FRMPD4: variants seen among roughly 807,000 people sequenced by gnomAD.
FRMPD4 encodes the protein FERM and PDZ domain-containing protein 4.
In FRMPD4, 22 loss-of-function variants were observed where a neutral mutation model predicts 94.1. The observed-to-expected ratio is 0.23, with a 90% CI of 0.17 to 0.33. FRMPD4 has a LOEUF of 0.33. FRMPD4 is among the 10% of genes least tolerant of loss of function. FRMPD4 has a pLI of 1.00. For missense variants in FRMPD4, 1,111 were observed against 1,339.9 expected, an observed-to-expected ratio of 0.83 and a Z score of 2.67; for synonymous variants, 631 against 548.6, an observed-to-expected ratio of 1.15 and a Z score of -2.10.
intron 1 of FRMPD4, among the ~76,000 whole-genome samples, chrX:12,386,920 C>T (rs1169885205): frequency 8.9e-6 from 1 of 111,764 alleles, no homozygotes; most frequent in African/African-American, 3.2e-5. Flanking sequence ...GTTTTTTGTT[C>T]TCATCCATAT....
chrX:12,194,761 A>G lies in FRMPD4; in HGVS notation c.41+55749A>G, dbSNP rs1225563114. Among the ~76,000 whole-genome samples, 4 of 111,941 alleles carry G rather than the reference A, an allele frequency of 3.6e-5. No individual in the cohort carries two copies. In the East Asian group the frequency reaches 1.1e-3, roughly 32 times the overall value. ...TGAAAAGCCTGGATAGATCTTTTTC[A>G]GGGGGGAATACTGTTTCTCTTCACA... On this transcript the variant is annotated intron_variant, in intron 1 of 16. Transcript: ENST00000675598.
At chrX:12,454,249 A>G (rs1292868616) in intron 1 of FRMPD4, among the ~76,000 whole-genome samples, 3 of 112,183 alleles carry the variant, frequency 2.7e-5, no homozygotes, top group Non-Finnish European at 5.6e-5. Flanking sequence ...TCAATGATGG[A>G]TCTGTAAGCT....
intron 1 of FRMPD4, among the ~76,000 whole-genome samples, chrX:12,219,318 A>G (rs2056839262): frequency 1.8e-5 from 2 of 111,601 alleles, no homozygotes; most frequent in Non-Finnish European, 3.8e-5. Flanking sequence ...ACAGTGAGCC[A>G]TGTTCACACC....
At position 12,157,079 on chromosome X, in the gene FRMPD4, G is replaced by A. The variant is rs1289061242; in HGVS notation, c.41+18067G>A. Among the ~76,000 whole-genome samples, 5 of 110,909 alleles carry A rather than the reference G, an allele frequency of 4.5e-5. No individual in the cohort carries two copies. In the East Asian group the frequency reaches 1.4e-3, roughly 31 times the overall value. ...AAACCCACAGTAAGAAATTTGTCTTGCATTGTTACCCAGTCCACATATATA... is the reference window on the plus strand; with the variant it reads ...AAACCCACAGTAAGAAATTTGTCTTACATTGTTACCCAGTCCACATATATA... On this transcript the variant is annotated intron_variant, in intron 1 of 16. Transcript: ENST00000675598.
intron 3 of FRMPD4, among the ~76,000 whole-genome samples, chrX:12,042,587 G>T (rs756832004): frequency 8.9e-6 from 1 of 111,774 alleles, no homozygotes; most frequent in Non-Finnish European, 1.9e-5. Context: ...CAGTGAATTT[G>T]TGTGTGGGTT....
At chrX:11,895,400 G>A (rs1275489810) in intron 3 of FRMPD4, among the ~76,000 whole-genome samples, 2 of 111,313 alleles carry the variant, frequency 1.8e-5, no homozygotes, top group Non-Finnish European at 3.8e-5. Flanking sequence ...CAAGATCAGG[G>A]CTTCAGAACA....
intron 3 of FRMPD4, among the ~76,000 whole-genome samples, chrX:12,007,840 G>A (rs1007965043): frequency 1.8e-5 from 2 of 112,221 alleles, no homozygotes; most frequent in Non-Finnish European, 3.8e-5. Flanking sequence ...AGGAATAACT[G>A]AAATCTTTGA....
chrX:12,072,906 T>C (rs1488325518), intron 3 of FRMPD4, among the ~76,000 whole-genome samples: 1 of 108,697 alleles, frequency 9.2e-6, no homozygotes, highest in African/African-American at 3.5e-5. Context: ...TTTAATTACC[T>C]ACCTTCTATT....
chrX:12,366,682 C>G (rs898615714), intron 1 of FRMPD4, among the ~76,000 whole-genome samples: 1 of 112,297 alleles, frequency 8.9e-6, no homozygotes, highest in Non-Finnish European at 1.9e-5. Context: ...CAAGAGTGAT[C>G]CAGTCCTTGC....
intron 1 of FRMPD4, among the ~76,000 whole-genome samples, chrX:12,498,309 G>A (rs1020781975): frequency 3.0e-4 from 34 of 111,626 alleles, no homozygotes; most frequent in African/African-American, 1.1e-3. Flanking sequence ...AATTTCTGCA[G>A]GTCCTGGGCT....
At position 12,723,698 on chromosome X, in the gene FRMPD4, A is replaced by G. The variant is rs1004363118; in HGVS notation, c.*1840A>G. ...AGACAGTGTGCTAAGCATATTAACT[A>G]TATTATCTCATTTAATCATCACAAC... On this transcript the variant is annotated 3_prime_UTR_variant, in exon 17 of 17. Coordinates refer to ENST00000675598, the MANE Select transcript of FRMPD4 (RefSeq NM_001368397.1). 1.5e-4 allele frequency: 17 copies of G among 111,283 alleles called. No homozygotes were observed. Among genetic ancestry groups the G allele is most frequent in the Non-Finnish European group, 3.8e-5 (2 of 53,072 alleles). 9.2% of individuals were successfully genotyped at this position (111,283 alleles called of 1,213,427 possible).
At chrX:12,575,027 A>C (rs940171330) in intron 2 of FRMPD4, among the ~76,000 whole-genome samples, 2 of 111,960 alleles carry the variant, frequency 1.8e-5, no homozygotes, top group Admixed American at 1.9e-4. Flanking sequence ...ACTCGTTAAA[A>C]GAAGCCCTAA....
intron 1 of FRMPD4, among the ~76,000 whole-genome samples, chrX:12,376,295 T>C (rs1199584358): frequency 8.9e-6 from 1 of 112,408 alleles, no homozygotes; most frequent in Admixed American, 9.4e-5. Flanking sequence ...ATAAAAACCT[T>C]GCTTCCCTTC....
chrX:12,441,280 C>A (rs779303301), intron 1 of FRMPD4, among the ~76,000 whole-genome samples: 2 of 112,214 alleles, frequency 1.8e-5, no homozygotes, highest in South Asian at 7.4e-4. Flanking sequence ...TAAACTGATG[C>A]CCAAATTGCA....
rs369710255 is a variant in FRMPD4, at chrX:12,000,148, A to G, written c.95+122130A>G. Among the ~76,000 whole-genome samples the G allele has an allele frequency of 2.3e-4, 26 of 111,961 alleles. No homozygotes were observed. The South Asian group carries it at 3.7e-3, about 16-fold the overall frequency. ...TTAAAAACCCACTTTATTGTATTTT[A>G]CCCACTTGAACTCTTTTACCATCTC... On this transcript the variant is annotated intron_variant, in intron 3 of 18. Coordinates refer to the FRMPD4 transcript ENST00000640291.
chrX:11,977,713 G>A (rs901781576), intron 3 of FRMPD4, among the ~76,000 whole-genome samples: 1 of 110,207 alleles, frequency 9.1e-6, no homozygotes, highest in African/African-American at 3.3e-5. Context: ...TGGAAGCTGG[G>A]GTTGGGGGTT....
chrX:12,350,464 G>A (rs1329313697), intron 1 of FRMPD4, among the ~76,000 whole-genome samples: 1 of 111,744 alleles, frequency 8.9e-6, no homozygotes, highest in Non-Finnish European at 1.9e-5. Context: ...TTGTTCATAG[G>A]GGTCTAACAT....
At chrX:12,493,760 C>T (rs1046051341) in intron 1 of FRMPD4, among the ~76,000 whole-genome samples, 1 of 111,723 alleles carries the variant, frequency 9.0e-6, no homozygotes, top group Non-Finnish European at 1.9e-5. Context: ...CTGAGGCAGG[C>T]CTGTGAGTAT....
chrX:11,895,540 A>G (rs1230116451), intron 3 of FRMPD4, among the ~76,000 whole-genome samples: 1 of 111,890 alleles, frequency 8.9e-6, no homozygotes, highest in African/African-American at 3.2e-5. Context: ...TATAACATGC[A>G]TTACCTTATT....
Sources: allele counts gnomAD v4.1 joint callset (sites outside exome capture counted in the v4.1 genomes callset), GRCh38; gene constraint gnomAD v4.1.1; transcripts MANE v1.5; gene names NCBI Gene and HGNC (gene_info 2026-07-23, HGNC 2026-07-21).